CDK13: variants seen among roughly 807,000 people sequenced by gnomAD.
CDK13 encodes cyclin-dependent kinase 13.
Under a neutral mutation model 137.6 loss-of-function variants are expected in CDK13, and 40 were observed. The ratio of observed to expected loss-of-function variants is 0.29; its 90% CI spans 0.23 to 0.38. The LOEUF (loss-of-function observed/expected upper bound fraction) is 0.38, where lower values mean the gene tolerates loss of function less well. CDK13 is among the 10% of genes least tolerant of loss of function. The probability of loss-of-function intolerance (pLI) is 1.00; values close to 1 mark genes in which losing one functional copy is unlikely to be tolerated. For missense variants in CDK13, 1,704 were observed against 1,951.8 expected, an observed-to-expected ratio of 0.87 and a Z score of 2.39; for synonymous variants, 869 against 760.1, an observed-to-expected ratio of 1.14 and a Z score of -2.36.
rs747060505 is a variant in CDK13 at position 40,094,214 on chromosome 7, A to G, written c.3773A>G (p.Asp1258Gly). The change falls in exon 14 of 14, where the codon GAC becomes GGC. Residue 1258 changes from aspartate to glycine, a missense_variant. Around this residue, in one of 5 missense-constraint regions of CDK13, gnomAD observed 475 missense variants for 579.3 expected, o/e 0.82. Transcript: ENST00000181839. ...EPDRPRILPP[D>G]QRPPEPPEPP... The stretch of plus-strand genomic sequence containing the variant: ...GACCGGCCTCGAATTCTGCCTCCTG[A>G]CCAACGACCTCCCGAGCCTCCTGAA... 5 of 1,613,870 alleles carry G rather than the reference A, an allele frequency of 3.1e-6. No homozygotes were observed. Among genetic ancestry groups the G allele is most frequent in the Non-Finnish European group, 3.4e-6 (4 of 1,179,956 alleles).
intron 7 of CDK13, among the ~76,000 whole-genome samples, chr7:40,052,189 A>G (rs1352793907): frequency 6.9e-6 from 1 of 145,700 alleles, no homozygotes; most frequent in Admixed American, 6.9e-5. Context: ...GTTTATTTAT[A>G]TTTATGAGAC....
intron 11 of CDK13, among the ~76,000 whole-genome samples, chr7:40,080,512 G>A (rs981848608): frequency 2.6e-5 from 4 of 152,072 alleles, no homozygotes; most frequent in Non-Finnish European, 5.9e-5. Context: ...AGCTGTACAT[G>A]GTTGGCCTTT....
At chr7:40,024,381 T>C (rs1055497456) in intron 5 of CDK13, among the ~76,000 whole-genome samples, 1 of 152,236 alleles carries the variant, frequency 6.6e-6, no homozygotes, top group Non-Finnish European at 1.5e-5. Flanking sequence ...CCTCGCTTTG[T>C]CATTCACCCA....
chr7:39,970,731 G>T (rs1783980298), intron 1 of CDK13, among the ~76,000 whole-genome samples: 1 of 152,220 alleles, frequency 6.6e-6, no homozygotes, highest in South Asian at 2.1e-4. Flanking sequence ...AAAGTGCTGG[G>T]ATTACAGGCA....
At chr7:40,051,582 T>C (rs1222494088) in intron 7 of CDK13, among the ~76,000 whole-genome samples, 2 of 152,364 alleles carry the variant, frequency 1.3e-5, no homozygotes, top group Non-Finnish European at 1.5e-5. Flanking sequence ...GTAGTTAATA[T>C]AGATCGAATA....
intron 3 of CDK13, 59 bp downstream of exon 3, chr7:39,997,723 AAG>A: frequency 7.9e-7 from 1 of 1,273,300 alleles, no homozygotes; most frequent in Non-Finnish European, 1.1e-6. Context: ...GGGTCATCAG[AAG>A]TTCATAAAAC....
intron 1 of CDK13, among the ~76,000 whole-genome samples, chr7:39,980,213 T>C (rs1348027986): frequency 1.3e-5 from 2 of 152,160 alleles, no homozygotes; most frequent in East Asian, 3.9e-4. Flanking sequence ...ACTGGGAAAC[T>C]AGATTTCTAG....
intron 5 of CDK13, among the ~76,000 whole-genome samples, chr7:40,028,951 G>A (rs1488545011): frequency 2.0e-5 from 3 of 151,716 alleles, no homozygotes; most frequent in African/African-American, 4.8e-5. Flanking sequence ...TACAAAAAAA[G>A]GAAAACAGAA....
intron 5 of CDK13, among the ~76,000 whole-genome samples, chr7:40,017,161 T>G (rs1785022069): frequency 1.3e-5 from 2 of 152,168 alleles, no homozygotes; most frequent in Admixed American, 1.3e-4. Context: ...ATTCTGTAAT[T>G]CTATAATTTG....
chr7:39,963,250 C>G (rs1783791265), intron 1 of CDK13, among the ~76,000 whole-genome samples: 1 of 152,256 alleles, frequency 6.6e-6, no homozygotes. Flanking sequence ...TTCTTCCTAC[C>G]CATGAGCTTG....
chr7:40,044,638 T>C (rs957817829), intron 5 of CDK13, among the ~76,000 whole-genome samples: 37 of 150,858 alleles, frequency 2.5e-4, no homozygotes, highest in African/African-American at 8.5e-4. Flanking sequence ...TTTTTGAGTA[T>C]TGATTTTTCT....
At chr7:40,011,759 G>A (rs1784899508) in intron 5 of CDK13, among the ~76,000 whole-genome samples, 1 of 151,570 alleles carries the variant, frequency 6.6e-6, no homozygotes, top group Non-Finnish European at 1.5e-5. Flanking sequence ...AAAAGCAGGG[G>A]CAACAAAAGA....
At chr7:39,982,824 T>G (rs1784257954) in intron 1 of CDK13, among the ~76,000 whole-genome samples, 2 of 152,182 alleles carry the variant, frequency 1.3e-5, no homozygotes, top group South Asian at 2.1e-4. Flanking sequence ...CTTTTGAGAA[T>G]TGTCTGTTCA....
chr7:40,049,952 C>T (rs1479183626), intron 7 of CDK13, among the ~76,000 whole-genome samples: 2 of 151,978 alleles, frequency 1.3e-5, no homozygotes, highest in Non-Finnish European at 2.9e-5. Context: ...TTTCATTGTG[C>T]GTATATGCCA....
intron 5 of CDK13, among the ~76,000 whole-genome samples, chr7:40,003,182 ACACACACACACACACACACACACACT>A (rs1784722775): frequency 1.1e-5 from 1 of 94,018 alleles, no homozygotes; most frequent in African/African-American, 4.0e-5. Context: ...ACACACACAC[ACACACACACACACACACACACACACT>A]CTCTCTCTCT....
At chr7:40,012,821 A>G (rs1784923471) in intron 5 of CDK13, among the ~76,000 whole-genome samples, 1 of 151,680 alleles carries the variant, frequency 6.6e-6, no homozygotes, top group South Asian at 2.1e-4. Flanking sequence ...CTGAGGCAGG[A>G]TAATTACTTG....
chr7:39,982,839 C>G, intron 1 of CDK13, among the ~76,000 whole-genome samples: 1 of 152,148 alleles, frequency 6.6e-6, no homozygotes, highest in Non-Finnish European at 1.5e-5. Context: ...TGTTCATATC[C>G]TCTGCCCACT....
At chr7:40,084,111 G>A (rs974981733) in intron 11 of CDK13, among the ~76,000 whole-genome samples, 2 of 152,130 alleles carry the variant, frequency 1.3e-5, no homozygotes, top group Non-Finnish European at 2.9e-5. Flanking sequence ...TTGGGAGGCC[G>A]AGGCGGACCT....
intron 1 of CDK13, among the ~76,000 whole-genome samples, chr7:39,976,323 T>TCTCTCTCTCTCTCTCTCTCACACACA: frequency 5.3e-4 from 21 of 39,560 alleles, no homozygotes; most frequent in Admixed American, 1.3e-3. Context: ...TCTCTCTCTC[T>TCTCTCTCTCTCTCTCTCTCACACACA]CACACACACA....
Sources: allele counts gnomAD v4.1 joint callset (sites outside exome capture counted in the v4.1 genomes callset), GRCh38; gene constraint gnomAD v4.1.1; regional missense constraint gnomAD v4.1.1; transcripts MANE v1.5; gene names NCBI Gene and HGNC (gene_info 2026-07-23, HGNC 2026-07-21).